Variants in TXNDC16 observed in about 807,000 individuals in gnomAD.
The protein encoded by TXNDC16 is thioredoxin domain-containing protein 16.
TXNDC16 carries 74 observed loss-of-function variants against 85.6 expected under a neutral mutation model. That is an observed-to-expected ratio of 0.86 (90% CI 0.72 to 1.05). The LOEUF (loss-of-function observed/expected upper bound fraction) is 1.05. Among genes scored for constraint, TXNDC16 ranks in the 50% least tolerant of loss-of-function variants. The pLI is 0.00. For missense variants in TXNDC16, 959 were observed against 947.0 expected, an observed-to-expected ratio of 1.01 and a Z score of -0.17; for synonymous variants, 335 against 326.5, an observed-to-expected ratio of 1.03 and a Z score of -0.28.
intron 15 of TXNDC16, 48 bp from the exon 16 acceptor site, chr14:52,470,221 TCA>T: frequency 1.4e-6 from 2 of 1,417,850 alleles, no homozygotes; most frequent in Non-Finnish European, 1.9e-6. Context: ...TAAGATATTT[TCA>T]GTTTGTAAAA....
intron 13 of TXNDC16, among the ~76,000 whole-genome samples, 170 bp from the exon 14 acceptor site, chr14:52,482,459 G>T (rs1248476367): frequency 6.6e-6 from 1 of 152,030 alleles, no homozygotes; most frequent in Non-Finnish European, 1.5e-5. Context: ...AGTTTCAAAT[G>T]CAACTGATTT....
At chr14:52,549,864 C>A (rs927145020) in intron 1 of TXNDC16, among the ~76,000 whole-genome samples, 2 of 152,116 alleles carry the variant, frequency 1.3e-5, no homozygotes, top group Admixed American at 6.5e-5. Flanking sequence ...GTCTTGATCT[C>A]CTGACCTCGT....
intron 6 of TXNDC16, among the ~76,000 whole-genome samples, chr14:52,529,494 CTATATATTATATATAATGCCTATTA>C (rs1162419713): frequency 2.0e-4 from 19 of 95,432 alleles, no homozygotes; most frequent in South Asian, 6.7e-4. Context: ...AAAATACCTA[CTATATATTATATATAATGCCTATTA>C]TATATATTAT....
intron 8 of TXNDC16, among the ~76,000 whole-genome samples, chr14:52,512,248 A>G (rs2036972969): frequency 6.6e-6 from 1 of 152,236 alleles, no homozygotes; most frequent in South Asian, 2.1e-4. Context: ...AAAGGTAAAT[A>G]AAACAATTAC....
intron 7 of TXNDC16, 40 bp from the exon 8 acceptor site, chr14:52,515,010 T>C (rs753809908): frequency 4.0e-6 from 6 of 1,484,198 alleles, no homozygotes; most frequent in Non-Finnish European, 5.6e-6. Context: ...CAGGAAAAAA[T>C]AGTTTGTGTG....
chr14:52,497,341 TC>T (rs755786046), intron 9 of TXNDC16, among the ~76,000 whole-genome samples: 8 of 151,954 alleles, frequency 5.3e-5, no homozygotes, highest in Non-Finnish European at 1.0e-4. Flanking sequence ...ATCAAAAACC[TC>T]CCAACAAAGA....
intron 4 of TXNDC16, among the ~76,000 whole-genome samples, chr14:52,537,938 A>G (rs946754445): frequency 2.0e-5 from 3 of 152,226 alleles, no homozygotes; most frequent in Non-Finnish European, 2.9e-5. Context: ...AGGCAAGACA[A>G]AAAGTATGAG....
chr14:52,441,500 T>G (rs561916432), intron 18 of TXNDC16, among the ~76,000 whole-genome samples: 1 of 151,946 alleles, frequency 6.6e-6, no homozygotes, highest in South Asian at 2.1e-4. Context: ...TCCCAGCTAC[T>G]CTGGAGGGTG....
chr14:52,540,443 G>A (rs2037803500), intron 4 of TXNDC16, among the ~76,000 whole-genome samples: 1 of 152,048 alleles, frequency 6.6e-6, no homozygotes, highest in Non-Finnish European at 1.5e-5. Flanking sequence ...TGACCAATAT[G>A]GTGAAACCCC....
At chr14:52,433,671 C>T (rs2034959854) in intron 20 of TXNDC16, among the ~76,000 whole-genome samples, 1 of 152,162 alleles carries the variant, frequency 6.6e-6, no homozygotes, top group Admixed American at 6.5e-5. Flanking sequence ...AATTTCTTCA[C>T]TCATACTCAA....
chr14:52,544,063 T>C (rs2037891307), intron 2 of TXNDC16, among the ~76,000 whole-genome samples: 2 of 152,094 alleles, frequency 1.3e-5, no homozygotes, highest in African/African-American at 4.8e-5. Context: ...TTACTTTAAA[T>C]CCCCTAGAAG....
intron 6 of TXNDC16, among the ~76,000 whole-genome samples, chr14:52,523,433 C>T (rs1225651986): frequency 6.6e-6 from 1 of 152,132 alleles, no homozygotes; most frequent in Non-Finnish European, 1.5e-5. Flanking sequence ...TTTTGTATTA[C>T]ATTTCTGTCA....
chr14:52,511,761 G>A (rs117502121), intron 8 of TXNDC16, among the ~76,000 whole-genome samples: 1,901 of 152,166 alleles, frequency 0.012, 13 homozygotes, highest in Non-Finnish European at 0.021. Context: ...CTAGAGCTAT[G>A]CTAAATGAAG....
At chr14:52,432,785 T>C (rs927356943) in intron 20 of TXNDC16, among the ~76,000 whole-genome samples, 198 bp from the exon 21 acceptor site, 2 of 152,174 alleles carry the variant, frequency 1.3e-5, no homozygotes, top group Admixed American at 1.3e-4. Context: ...TACTAGCCAT[T>C]TTCATTTTTA....
At chr14:52,480,454 T>A in intron 14 of TXNDC16, among the ~76,000 whole-genome samples, 1 of 151,586 alleles carries the variant, frequency 6.6e-6, no homozygotes. Flanking sequence ...GAATCTACAA[T>A]GAACTCAAAC....
rs1425198964 is a variant in TXNDC16, at chr14:52,492,020, G to A, written c.757-1015C>T. Among the ~76,000 whole-genome samples the A allele has an allele frequency of 2.0e-5, 3 of 152,190 alleles. No individual in the cohort carries two copies. In the East Asian group the frequency reaches 5.8e-4, roughly 29 times the overall value. ...AGGAAATGTTGGAAGGGAAGTGACA[G>A]GAAGGCTCTAAAATAAGGAGGAATG... On this transcript the variant is annotated intron_variant, in intron 9 of 20. Transcript: ENST00000281741.
chr14:52,439,050 T>C (rs2035101877), intron 20 of TXNDC16, among the ~76,000 whole-genome samples, 154 bp downstream of exon 20: 1 of 152,182 alleles, frequency 6.6e-6, no homozygotes, highest in Non-Finnish European at 1.5e-5. Context: ...GACTGAAGCC[T>C]TGCACCTTTG....
At chr14:52,545,900 T>C (rs1416593780) in intron 1 of TXNDC16, among the ~76,000 whole-genome samples, 2 of 151,830 alleles carry the variant, frequency 1.3e-5, no homozygotes, top group African/African-American at 4.8e-5. Flanking sequence ...AAAAAGAATA[T>C]CAGCAAGAGC....
chr14:52,521,236 C>A (rs1469947625), intron 6 of TXNDC16, among the ~76,000 whole-genome samples: 2 of 151,388 alleles, frequency 1.3e-5, no homozygotes, highest in African/African-American at 4.8e-5. Flanking sequence ...CGTCAGCCTC[C>A]CGAGTGGCTG....
Sources: allele counts gnomAD v4.1 joint callset (sites outside exome capture counted in the v4.1 genomes callset), GRCh38; gene constraint gnomAD v4.1.1; transcripts MANE v1.5; gene names NCBI Gene and HGNC (gene_info 2026-07-23, HGNC 2026-07-21).